CDIP1: variants seen among roughly 807,000 people sequenced by gnomAD.
CDIP1 encodes the protein cell death-inducing p53-target protein 1.
Under a neutral mutation model 17.7 loss-of-function variants are expected in CDIP1, and 9 were observed. That is an observed-to-expected ratio of 0.51 (90% confidence interval 0.31 to 0.89). The LOEUF (loss-of-function observed/expected upper bound fraction) is 0.89, where lower values mean the gene tolerates loss of function less well. CDIP1 is among the 40% of genes least tolerant of loss of function. The pLI, the probability that CDIP1 is intolerant of heterozygous loss-of-function variation, is 0.05. For synonymous variants in CDIP1, 117 were observed against 109.5 expected, an observed-to-expected ratio of 1.07 and a Z score of -0.43; for missense variants, 263 against 277.9, an observed-to-expected ratio of 0.95 and a Z score of 0.38.
At position 4,512,764 on chromosome 16, in the gene CDIP1, C is replaced by T; in HGVS notation, c.515+27G>A. 1.3e-6 allele frequency: 2 copies of T among 1,597,082 alleles called. No homozygotes were observed. Among genetic ancestry groups the T allele is most frequent in the Non-Finnish European group, 1.7e-6 (2 of 1,171,188 alleles). ...AGCCAGTTGACCCTGGTGCAGCCCC[C>T]ACCCTACCAGTGCCCACACCACCTA... On this transcript the variant is annotated intron_variant, in intron 5 of 5. Transcript: ENST00000567695. The surrounding 1 kb of genome is among the most constrained non-coding windows in gnomAD (Gnocchi z 4.6).
Position 4,513,756 on chromosome 16 carries a change from T to G in CDIP1, c.181A>C (p.Met61Leu). 6.2e-7 allele frequency: 1 copy of G among 1,613,070 alleles called. No homozygotes were observed. The highest frequency in any genetic ancestry group is 8.5e-7 in the Non-Finnish European group (1 of 1,179,328). ...GGTGGGATGAAGCCAGGCTGGGGCA[T>G]TGGGTGACCCGGCGGCTCATAGGGT... ...PPPYEPPGHP[M>L]PQPGFIPPHM... Residue 61 changes from methionine to leucine, a missense_variant, in exon 4 of 6, where the codon ATG becomes CTG. By Grantham distance (15) the Met-to-Leu change is conservative. Transcript: ENST00000567695. This position sits in a 1 kb window ranked among gnomAD's most constrained non-coding sequence, Gnocchi z 4.1.
At chr16:4,523,558 G>A (rs537609438) in intron 1 of CDIP1, among the ~76,000 whole-genome samples, 1 of 152,200 alleles carries the variant, frequency 6.6e-6, no homozygotes, top group South Asian at 2.1e-4. Flanking sequence ...AGAAGCTTAC[G>A]GTCAAGTGAA....
chr16:4,527,433 T>C (rs2059011692), intron 1 of CDIP1, among the ~76,000 whole-genome samples: 1 of 152,176 alleles, frequency 6.6e-6, no homozygotes, highest in Admixed American at 6.6e-5. Flanking sequence ...CAGACAGGAC[T>C]CAAAGAATGG....
At chr16:4,525,089 G>C (rs112682469) in intron 1 of CDIP1, among the ~76,000 whole-genome samples, 1,830 of 152,232 alleles carry the variant, frequency 0.012, 23 homozygotes, top group Non-Finnish European at 0.019. Context: ...AACAGAGTGA[G>C]ACTCTATCCC....
At position 4,512,296 on chromosome 16, in the gene CDIP1, G is replaced by A; in HGVS notation, c.*276C>T. On this transcript the variant is annotated 3_prime_UTR_variant, in exon 6 of 6. Transcript: ENST00000567695. The surrounding 1 kb of genome is among the most constrained non-coding windows in gnomAD (Gnocchi z 4.6). ...GGACCCCAGCAGGAGACCCCTCCCA[G>A]CTTATCTTCCCGATCACACACACCA... 5.6e-6 allele frequency: 3 copies of A among 535,304 alleles called. No homozygotes were observed. Among genetic ancestry groups the A allele is most frequent in the Non-Finnish European group, 1.0e-5 (3 of 295,104 alleles). 33.2% of individuals were successfully genotyped at this position (535,304 alleles called of 1,614,324 possible).
At chr16:4,521,087 GGT>G (rs35743524) in intron 1 of CDIP1, among the ~76,000 whole-genome samples, 100,910 of 150,250 alleles carry the variant, frequency 0.67, 34,179 homozygotes, top group Non-Finnish European at 0.73. Flanking sequence ...ATGCAACACT[GGT>G]GTGTGTGTGT....
At chr16:4,538,193 C>G (rs2141668952) in intron 1 of CDIP1, 1 of 152,348 alleles carries the variant, frequency 6.6e-6, no homozygotes, top group East Asian at 1.9e-4. Flanking sequence ...CCGCGGCACA[C>G]AGCGGGGCGC....
intron 1 of CDIP1, among the ~76,000 whole-genome samples, chr16:4,526,055 C>T (rs1440546538): frequency 6.6e-6 from 1 of 152,194 alleles, no homozygotes; most frequent in East Asian, 1.9e-4. Flanking sequence ...TCTGCCAGCT[C>T]TCCTCCCACC....
chr16:4,531,429 A>G (rs557710344), intron 1 of CDIP1, among the ~76,000 whole-genome samples: 1 of 151,968 alleles, frequency 6.6e-6, no homozygotes, highest in African/African-American at 2.4e-5. Flanking sequence ...CAAAGTGCTA[A>G]GATTATAGGT....
Position 4,512,945 on chromosome 16 carries a change from C to A in CDIP1, c.361G>T (p.Ala121Ser). ...HTATVLVPSG[A>S]ATTVTVLQGE... ...TGCAGCACTGTCACCGTGGTGGCAG[C>A]TCCTGAAGGGACCAGGACTGTGGCT... Residue 121 changes from alanine (A) to serine (S), a missense_variant, in exon 5 of 6, where the codon GCT becomes TCT. Physicochemically the swap from Ala to Ser is moderately conservative, Grantham distance 99. Transcript: ENST00000567695. The surrounding 1 kb of genome is among the most constrained non-coding windows in gnomAD (Gnocchi z 4.6). 6.3e-7 allele frequency: 1 copy of A among 1,584,770 alleles called. No homozygotes were observed. Among genetic ancestry groups the A allele is most frequent in the Non-Finnish European group, 8.6e-7 (1 of 1,166,124 alleles).
At chr16:4,520,640 T>G (rs1295730885) in intron 1 of CDIP1, among the ~76,000 whole-genome samples, 2 of 152,226 alleles carry the variant, frequency 1.3e-5, no homozygotes, top group African/African-American at 2.4e-5. Context: ...TTAAATCACA[T>G]TGCTGGTATC....
intron 1 of CDIP1, among the ~76,000 whole-genome samples, chr16:4,537,437 TC>T (rs1422291604): frequency 6.6e-6 from 1 of 152,174 alleles, no homozygotes; most frequent in African/African-American, 2.4e-5. Flanking sequence ...TCCACCCAGT[TC>T]TACCTAGATC....
At chr16:4,538,444 A>AGC (rs2059133803) in intron 1 of CDIP1, 1 of 150,018 alleles carries the variant, frequency 6.7e-6, no homozygotes, top group Admixed American at 6.6e-5. Context: ...AAACCCCCCA[A>AGC]CCCACCGCCC....
At chr16:4,522,188 G>A (rs368881404) in intron 1 of CDIP1, among the ~76,000 whole-genome samples, 6 of 152,196 alleles carry the variant, frequency 3.9e-5, no homozygotes, top group African/African-American at 4.8e-5. Context: ...ACGGTAACCC[G>A]AGACAACTCT....
Position 4,513,690 on chromosome 16 carries a change from A to C in CDIP1, c.241+6T>G, listed in dbSNP as rs752291600. The C allele has an allele frequency of 2.2e-5, 35 of 1,611,446 alleles. 1 individual carries two copies. The highest frequency in any genetic ancestry group is 3.4e-4 in the Middle Eastern group (2 of 5,912). On this transcript the variant is annotated splice_donor_region_variant and intron_variant, in intron 4 of 5. Transcript: ENST00000567695. This position sits in a 1 kb window ranked among gnomAD's most constrained non-coding sequence, Gnocchi z 4.1. The stretch of plus-strand genomic sequence containing the variant: ...CATGCTCCCCTCAGATCCCTTCCCC[A>C]CTCACCCGGAGGCATGTAGGTGCCA...
chr16:4,516,698 C>CTTTTTTTTTTTTTTTTTTTTTT (rs767463500), intron 1 of CDIP1, among the ~76,000 whole-genome samples: 1 of 78,056 alleles, frequency 1.3e-5, no homozygotes. Context: ...GTTTTAAATC[C>CTTTTTTTTTTTTTTTTTTTTTT]TTTTTTTTTT....
chr16:4,537,771 T>C (rs1158374535), intron 1 of CDIP1, among the ~76,000 whole-genome samples: 4 of 152,204 alleles, frequency 2.6e-5, no homozygotes, highest in Non-Finnish European at 5.9e-5. Context: ...AGCCCACCTT[T>C]GGAGGAACTC....
intron 1 of CDIP1, among the ~76,000 whole-genome samples, chr16:4,526,093 G>C (rs918433891): frequency 3.3e-5 from 5 of 152,140 alleles, no homozygotes; most frequent in Non-Finnish European, 5.9e-5. Flanking sequence ...CCTCGACCAT[G>C]ATGAGTCTCA....
intron 1 of CDIP1, among the ~76,000 whole-genome samples, chr16:4,515,668 G>C (rs141194507): frequency 1.8e-3 from 276 of 152,304 alleles, no homozygotes; most frequent in African/African-American, 6.1e-3. Flanking sequence ...AAAAACTACT[G>C]AGCGTCTTTT....
Sources: allele counts gnomAD v4.1 joint callset (sites outside exome capture counted in the v4.1 genomes callset), GRCh38; gene constraint gnomAD v4.1.1; non-coding constraint Gnocchi (gnomAD v3.1); transcripts MANE v1.5; gene names NCBI Gene and HGNC (gene_info 2026-07-23, HGNC 2026-07-21).